Variants in WASHC4 observed in about 807,000 individuals in gnomAD.
WASHC4 encodes WASH complex subunit 7.
WASHC4 carries 86 observed loss-of-function variants against 166.6 expected under a neutral mutation model. The ratio of observed to expected loss-of-function variants is 0.52; its 90% CI spans 0.43 to 0.62. The LOEUF (loss-of-function observed/expected upper bound fraction) is 0.62, where lower values mean the gene tolerates loss of function less well. Among genes scored for constraint, WASHC4 ranks in the 20% least tolerant of loss-of-function variants. The pLI, the probability that WASHC4 is intolerant of heterozygous loss-of-function variation, is 0.00. For missense variants in WASHC4, 1,262 were observed against 1,382.4 expected, an observed-to-expected ratio of 0.91 and a Z score of 1.38; for synonymous variants, 446 against 451.6, an observed-to-expected ratio of 0.99 and a Z score of 0.16.
At position 105,162,775 on chromosome 12, in the gene WASHC4, T is replaced by A; in HGVS notation, c.3087T>A (p.Ile1029=). 6.3e-7 allele frequency: 1 copy of A among 1,596,526 alleles called. No individual in the cohort carries two copies. Among genetic ancestry groups the A allele is most frequent in the Non-Finnish European group, 8.6e-7 (1 of 1,166,452 alleles). The change falls in exon 30 of 33, where the codon ATT becomes ATA. Residue 1029 remains isoleucine (I), a synonymous_variant. Transcript: ENST00000332180. ...CCCTCAACTTTGTAGAGCATTCCAT[T>A]AGTTGCAAGGAAAAATTAAATAAAA... The part of the protein sequence containing the change: ...PLTLNFVEHS[I]SCKEKLNKKN...
Position 105,137,914 on chromosome 12 carries a change from C to T in WASHC4, c.1355C>T (p.Thr452Ile), listed in dbSNP as rs1393480500. 6.2e-7 allele frequency: 1 copy of T among 1,608,620 alleles called. No individual in the cohort carries two copies. The highest frequency in any genetic ancestry group is 8.5e-7 in the Non-Finnish European group (1 of 1,175,450). Residue 452 changes from threonine (T) to isoleucine (I), a missense_variant, in exon 15 of 33, where the codon ACC becomes ATC. Transcript: ENST00000332180. ...TTCTTGTATGCATATAGTATTAGTA[C>T]CATTATTAAAACCACAATGAATCTC... ...QGFLYAYSIS[T>I]IIKTTMNLYM...
At chr12:105,157,094 T>A (rs1431744315) in intron 27 of WASHC4, 142 bp from the exon 28 acceptor site, 1 of 633,378 alleles carries the variant, frequency 1.6e-6, no homozygotes, top group Admixed American at 2.8e-5. Flanking sequence ...AAAGTGGTGA[T>A]ATGAATAATA....
intron 24 of WASHC4, chr12:105,147,969 T>C: frequency 1.0e-6 from 1 of 985,138 alleles, no homozygotes; most frequent in Non-Finnish European, 1.2e-6. Context: ...TGAACTCGTA[T>C]GCTATTTTTC....
intron 14 of WASHC4, among the ~76,000 whole-genome samples, chr12:105,136,129 T>A (rs1427680413): frequency 1.3e-5 from 2 of 152,206 alleles, no homozygotes; most frequent in African/African-American, 2.4e-5. Context: ...GGTTGTTTAA[T>A]TCACCCTTAC....
intron 10 of WASHC4, among the ~76,000 whole-genome samples, chr12:105,124,343 T>TCCCGA (rs1881070255): frequency 1.3e-5 from 2 of 152,214 alleles, no homozygotes; most frequent in South Asian, 4.1e-4. Context: ...GGTCTTGAAC[T>TCCCGA]CCCGACCTCA....
At position 105,161,643 on chromosome 12, in the gene WASHC4, G is replaced by T. The variant is rs117444619; in HGVS notation, c.3061-1106G>T. Reference sequence around the variant, plus strand: ...TTCTTGTACTTGTGTTTGTAGTGTAGTTCCAGAAAAAAGACAAGCATAAAT... The same window carrying T: ...TTCTTGTACTTGTGTTTGTAGTGTATTTCCAGAAAAAAGACAAGCATAAAT... On this transcript the variant is annotated intron_variant, in intron 29 of 32. Coordinates refer to ENST00000332180, the MANE Select transcript of WASHC4 (RefSeq NM_015275.3). Among the ~76,000 whole-genome samples, 13 of 152,294 alleles carry T rather than the reference G, an allele frequency of 8.5e-5. 1 individual carries two copies. The East Asian group carries it at 2.5e-3, about 29-fold the overall frequency.
intron 5 of WASHC4, 127 bp downstream of exon 5, chr12:105,115,356 G>A: frequency 1.3e-6 from 1 of 749,386 alleles, no homozygotes; most frequent in Non-Finnish European, 2.4e-6. Flanking sequence ...ATTTTTTGTT[G>A]GTATGTTTGG....
In WASHC4 at chr12:105,118,448, A is replaced by G. The variant is rs755238656; in HGVS notation, c.438A>G (p.Glu146=). ...ATATACCCACCTTCTCGTTTCAGGA[A>G]CTGTCTTGCTTTGTTACGAGGTGCT... ...QMGRFISFLQ[E]LSCFVTRCYE... Residue 146 remains glutamate (E), a splice_region_variant and synonymous_variant, in exon 7 of 33, where the codon GAA becomes GAG. Coordinates refer to ENST00000332180, the MANE Select transcript of WASHC4 (RefSeq NM_015275.3). The G allele has an allele frequency of 1.9e-6, 3 of 1,610,760 alleles. No homozygotes were observed. Among genetic ancestry groups the G allele is most frequent in the Non-Finnish European group, 2.5e-6 (3 of 1,176,894 alleles).
intron 24 of WASHC4, chr12:105,148,203 A>G (rs1220090934): frequency 2.0e-6 from 2 of 985,226 alleles, no homozygotes; most frequent in African/African-American, 3.5e-5. Context: ...GAGCTCCATT[A>G]TAGTGGGGTT....
rs747997142 is a variant in WASHC4, at chr12:105,162,734, G to C, written c.3061-15G>C. On this transcript the variant is annotated splice_polypyrimidine_tract_variant and intron_variant, in intron 29 of 32. Transcript: ENST00000332180. ...AGCAAAATTGTTTTTCTAACATGTT[G>C]TTACATCTTTTTAGACCCTCAACTT... The C allele has an allele frequency of 2.2e-6, 3 of 1,359,852 alleles. No homozygotes were observed. Among genetic ancestry groups the C allele is most frequent in the Non-Finnish European group, 3.1e-6 (3 of 953,334 alleles). The allele number at this position is 1,359,852 out of a possible 1,614,324, so 84.2% of individuals were successfully genotyped here.
At chr12:105,128,810 G>A (rs943917144) in intron 13 of WASHC4, among the ~76,000 whole-genome samples, 4 of 150,742 alleles carry the variant, frequency 2.7e-5, no homozygotes, top group African/African-American at 4.9e-5. Flanking sequence ...ACCGAGTCTC[G>A]CTCTGTTGCC....
chr12:105,153,838 A>G (rs1199162377), intron 26 of WASHC4, among the ~76,000 whole-genome samples: 1 of 152,116 alleles, frequency 6.6e-6, no homozygotes. Flanking sequence ...TTCCTTAGAA[A>G]TAACAGTTGT....
chr12:105,147,463 C>A, intron 24 of WASHC4: 2 of 366,688 alleles, frequency 5.5e-6, no homozygotes, highest in Non-Finnish European at 8.9e-6. Flanking sequence ...CTGTGTTGAT[C>A]TGTGATCCCT....
At chr12:105,121,651 G>A (rs1322624172) in intron 9 of WASHC4, among the ~76,000 whole-genome samples, 1 of 152,138 alleles carries the variant, frequency 6.6e-6, no homozygotes, top group African/African-American at 2.4e-5. Flanking sequence ...GGGACTACAG[G>A]CGTGTGCCAC....
At position 105,115,573 on chromosome 12, in the gene WASHC4, GA is replaced by G. The variant is rs528329716; in HGVS notation, c.368-77del. ...TATGCAGAGTAAAAGATGTCCTAAT[GA>G]AAAAAAAAAACTTTTCCCCCTTTTT... On this transcript the variant is annotated intron_variant, in intron 5 of 32. Coordinates refer to ENST00000332180, the MANE Select transcript of WASHC4 (RefSeq NM_015275.3). 2,299 of 773,658 alleles carry G rather than the reference GA, an allele frequency of 3.0e-3. 3 individuals are homozygous for G. Among genetic ancestry groups the G allele is most frequent in the South Asian group, 7.4e-3 (445 of 60,028 alleles). The allele number at this position is 773,658 out of a possible 1,614,324, so 47.9% of individuals were successfully genotyped here.
At position 105,164,496 on chromosome 12, in the gene WASHC4, G is replaced by A. The variant is rs183021903; in HGVS notation, c.3355-145G>A. On this transcript the variant is annotated intron_variant, in intron 31 of 32. Transcript: ENST00000332180. ...TTTGACTCACATCTTAAAAATGGGC[G>A]GGTTACTTATTTCAGTTTCTGTATT... 258 of 803,820 alleles carry A rather than the reference G, an allele frequency of 3.2e-4. 3 individuals are homozygous for A. The highest frequency in any genetic ancestry group is 3.0e-3 in the African/African-American group (175 of 57,578). 49.8% of individuals were successfully genotyped at this position (803,820 alleles called of 1,614,324 possible). A position where few individuals can be genotyped will look rare whatever the true frequency, so the allele number is the denominator to read the frequency against.
At position 105,126,144 on chromosome 12, in the gene WASHC4, T is replaced by G; in HGVS notation, c.910+17T>G. 6.2e-7 allele frequency: 1 copy of G among 1,612,804 alleles called. No homozygotes were observed. The highest frequency in any genetic ancestry group is 8.5e-7 in the Non-Finnish European group (1 of 1,179,262). ...CCAAACTTGGTAATGTAAATCGCAT[T>G]TTTTGGTTTTTGTTTATAAAATTTG... On this transcript the variant is annotated intron_variant, in intron 11 of 32. Transcript: ENST00000332180.
chr12:105,150,728 T>C (rs556334836), intron 25 of WASHC4, among the ~76,000 whole-genome samples: 1 of 152,276 alleles, frequency 6.6e-6, no homozygotes, highest in South Asian at 2.1e-4. Flanking sequence ...GAAATACCTG[T>C]GACTGGGTAA....
intron 29 of WASHC4, among the ~76,000 whole-genome samples, chr12:105,161,177 A>T (rs951761541): frequency 1.3e-5 from 2 of 152,170 alleles, no homozygotes; most frequent in East Asian, 3.8e-4. Flanking sequence ...GACTTTTCAT[A>T]TTGCTGCCCA....
Sources: gnomAD v4.1 joint callset for allele counts (sites outside exome capture counted in the v4.1 genomes callset) on GRCh38, gnomAD v4.1.1 for gene constraint, MANE v1.5 for transcripts, NCBI Gene and HGNC (gene_info 2026-07-23, HGNC 2026-07-21) for gene names.